The following PHKB variants were observed in gnomAD, a reference collection of about 807,000 sequenced individuals.
PHKB encodes the protein phosphorylase b kinase regulatory subunit beta.
In PHKB, 122 loss-of-function variants were observed where a neutral mutation model predicts 152.1. The observed-to-expected ratio is 0.80, with a 90% confidence interval of 0.69 to 0.93. The LOEUF (loss-of-function observed/expected upper bound fraction) is 0.93. Ranked by LOEUF, PHKB falls within the 40% of genes least tolerant of loss-of-function variation. PHKB has a pLI of 0.00. For synonymous variants in PHKB, 436 were observed against 464.9 expected (o/e 0.94, Z 0.80); for missense variants, 1,304 against 1,328.4 (o/e 0.98, Z 0.29).
intron 8 of PHKB, among the ~76,000 whole-genome samples, chr16:47,581,735 G>A (rs1022569155): frequency 1.3e-5 from 2 of 152,050 alleles, no homozygotes; most frequent in Non-Finnish European, 2.9e-5. Context: ...GCTGGAGTGC[G>A]ATGGCGCGAT....
chr16:47,641,195 C>G (rs1973014845), intron 15 of PHKB, 105 bp downstream of exon 15: 5 of 860,148 alleles, frequency 5.8e-6, no homozygotes, highest in African/African-American at 1.7e-5. Context: ...AGATTAACTT[C>G]AGAAACTCCT....
chr16:47,488,019 C>T (rs537710907), intron 1 of PHKB, among the ~76,000 whole-genome samples: 53 of 152,262 alleles, frequency 3.5e-4, no homozygotes, highest in East Asian at 1.9e-3. Flanking sequence ...GAACTGTTTT[C>T]GACAGTGACT....
intron 1 of PHKB, among the ~76,000 whole-genome samples, chr16:47,494,057 A>G (rs910733252): frequency 2.0e-5 from 3 of 152,198 alleles, no homozygotes; most frequent in Admixed American, 2.0e-4. Context: ...AGATCCCAAC[A>G]GGGGCCTTAG....
At chr16:47,603,689 GA>G (rs1972274925) in intron 13 of PHKB, among the ~76,000 whole-genome samples, 1 of 151,926 alleles carries the variant, frequency 6.6e-6, no homozygotes, top group Non-Finnish European at 1.5e-5. Flanking sequence ...ATTTTTATTG[GA>G]GGCGGGGTTT....
At chr16:47,594,482 A>G (rs1276388524) in intron 12 of PHKB, among the ~76,000 whole-genome samples, 1 of 152,204 alleles carries the variant, frequency 6.6e-6, no homozygotes, top group Non-Finnish European at 1.5e-5. Flanking sequence ...TACTCTGTAT[A>G]GAAAGTGACT....
intron 6 of PHKB, among the ~76,000 whole-genome samples, chr16:47,528,468 C>T (rs956468045): frequency 6.6e-6 from 1 of 152,036 alleles, no homozygotes; most frequent in African/African-American, 2.4e-5. Flanking sequence ...AGGAAAAGCT[C>T]CTCAATAAAT....
intron 4 of PHKB, among the ~76,000 whole-genome samples, chr16:47,508,218 T>A (rs1423999072): frequency 6.6e-6 from 1 of 152,226 alleles, no homozygotes; most frequent in Non-Finnish European, 1.5e-5. Context: ...CAGTCTGTTT[T>A]CTGGGTTTTA....
At chr16:47,637,356 A>AC (rs1001527995) in intron 14 of PHKB, among the ~76,000 whole-genome samples, 10 of 151,762 alleles carry the variant, frequency 6.6e-5, no homozygotes, top group Admixed American at 5.3e-4. Flanking sequence ...TGAAACACGC[A>AC]CCCCCCACCC....
rs193098447 is a variant in PHKB, at chr16:47,700,842, A to G, written c.*1476A>G. On this transcript the variant is annotated 3_prime_UTR_variant, in exon 31 of 31. Transcript: ENST00000323584. The stretch of plus-strand genomic sequence containing the variant: ...AGTGGCTTCAGTATTGAGTCAATCG[A>G]TATCAAATGAATGGATGTGTGAGCA... The G allele has an allele frequency of 1.2e-3, 188 of 152,280 alleles. No individual in the cohort carries two copies. The highest frequency in any genetic ancestry group is 4.5e-3 in the African/African-American group (187 of 41,562). 9.4% of individuals were successfully genotyped at this position (152,280 alleles called of 1,614,324 possible). A position where few individuals can be genotyped will look rare whatever the true frequency, so the allele number is the denominator to read the frequency against.
chr16:47,639,551 G>T lies in PHKB; in HGVS notation c.1459-1484G>T, dbSNP rs559675370. 2.0e-5 allele frequency among the ~76,000 whole-genome samples: 3 copies of T among 152,254 alleles called. No homozygotes were observed. The South Asian group carries it at 6.2e-4, about 32-fold the overall frequency. On this transcript the variant is annotated intron_variant, in intron 14 of 30. Transcript: ENST00000323584. ...AAAAGAGCTCTTCAGCCATCTGATA[G>T]TCCCCTAACTAGATGCTCAGTATGA...
intron 14 of PHKB, among the ~76,000 whole-genome samples, chr16:47,639,943 G>A (rs1167326702): frequency 1.3e-5 from 2 of 152,244 alleles, no homozygotes; most frequent in East Asian, 1.9e-4. Flanking sequence ...ACATTTAATT[G>A]TGAGGTCTTT....
At chr16:47,570,224 C>T (rs1971635283) in intron 7 of PHKB, among the ~76,000 whole-genome samples, 1 of 152,196 alleles carries the variant, frequency 6.6e-6, no homozygotes, top group Non-Finnish European at 1.5e-5. Flanking sequence ...CTTGCCTTTG[C>T]ATTGGCTTTA....
Position 47,669,301 on chromosome 16 carries a change from G to C in PHKB, c.2514G>C (p.Lys838Asn). Residue 838 changes from lysine (K) to asparagine (N), a missense_variant, in exon 26 of 31, where the codon AAG (lysine) becomes AAC (asparagine). Physicochemically the swap from Lys to Asn is moderately conservative, Grantham distance 94 (BLOSUM62 0). Transcript: ENST00000323584. ...TGATTCAAAACATCATCTATTATAA[G>C]TGTAACACCCATGATGAGAGGGAAG... The part of the protein sequence containing the change: ...PRVIQNIIYY[K>N]CNTHDEREAV... The C allele has an allele frequency of 1.2e-6, 2 of 1,613,936 alleles. No homozygotes were observed. Among genetic ancestry groups the C allele is most frequent in the Non-Finnish European group, 1.7e-6 (2 of 1,179,842 alleles).
At chr16:47,544,226 G>A (rs138683156) in intron 6 of PHKB, among the ~76,000 whole-genome samples, 1 of 152,182 alleles carries the variant, frequency 6.6e-6, no homozygotes, top group Non-Finnish European at 1.5e-5. Context: ...TAGGCATTTA[G>A]TGCTATAAAT....
chr16:47,626,706 C>T (rs1436623525), intron 14 of PHKB, among the ~76,000 whole-genome samples: 1 of 152,202 alleles, frequency 6.6e-6, no homozygotes, highest in Non-Finnish European at 1.5e-5. Context: ...TATTTCCCCT[C>T]TCTGGGCCTC....
chr16:47,552,502 G>C (rs1971289888), intron 7 of PHKB, among the ~76,000 whole-genome samples: 1 of 152,198 alleles, frequency 6.6e-6, no homozygotes, highest in Non-Finnish European at 1.5e-5. Flanking sequence ...TGAAATTCTG[G>C]GTTTAAAATT....
At chr16:47,535,043 G>A (rs756545252) in intron 6 of PHKB, among the ~76,000 whole-genome samples, 1 of 152,142 alleles carries the variant, frequency 6.6e-6, no homozygotes, top group Non-Finnish European at 1.5e-5. Context: ...TCAAGGTTAC[G>A]CAAAGCTTTG....
chr16:47,670,181 C>T (rs909705246), intron 26 of PHKB, among the ~76,000 whole-genome samples: 1 of 152,128 alleles, frequency 6.6e-6, no homozygotes, highest in African/African-American at 2.4e-5. Context: ...GTACAAGTAT[C>T]GTGAGTATGT....
intron 20 of PHKB, 79 bp downstream of exon 20, chr16:47,651,000 C>T (rs1046617831): frequency 5.8e-6 from 6 of 1,028,956 alleles, no homozygotes; most frequent in South Asian, 5.1e-5. Context: ...AATGTATGGT[C>T]TATTTAAGGT....
Sources: allele counts gnomAD v4.1 joint callset (sites outside exome capture counted in the v4.1 genomes callset), GRCh38; gene constraint gnomAD v4.1.1; transcripts MANE v1.5; gene names NCBI Gene and HGNC (gene_info 2026-07-23, HGNC 2026-07-21).